STIL: variants seen among roughly 807,000 people sequenced by gnomAD.
The protein encoded by STIL is STIL centriolar assembly protein, also known as SCL-interrupting locus protein.
Under a neutral mutation model 110.1 loss-of-function variants are expected in STIL, and 55 were observed. The ratio of observed to expected loss-of-function variants is 0.50; its 90% CI spans 0.40 to 0.63. The LOEUF (loss-of-function observed/expected upper bound fraction) is 0.63, where lower values mean the gene tolerates loss of function less well. Ranked by LOEUF, STIL falls within the 20% of genes least tolerant of loss-of-function variation. The probability of loss-of-function intolerance (pLI) is 0.00; values close to 1 mark genes in which losing one functional copy is unlikely to be tolerated. For synonymous variants in STIL, 481 were observed against 530.0 expected, an observed-to-expected ratio of 0.91 and a Z score of 1.27; for missense variants, 1,358 against 1,530.0, an observed-to-expected ratio of 0.89 and a Z score of 1.87.
chr1:47,314,243 G>A (rs1646224037), upstream of STIL: 1 of 152,282 alleles, frequency 6.6e-6, no homozygotes, highest in South Asian at 2.1e-4. Flanking sequence ...TGGTGCTAGA[G>A]AGCCGCGCAC....
chr1:47,283,338 G>C (rs913521401), intron 10 of STIL: 1 of 152,134 alleles, frequency 6.6e-6, no homozygotes, highest in Non-Finnish European at 1.5e-5. Context: ...TTCTGTACAA[G>C]GTATTACAAT....
Position 47,281,686 on chromosome 1 carries a change from C to T in STIL, c.1249-477G>A, listed in dbSNP as rs1340319252. Among the ~76,000 whole-genome samples the T allele has an allele frequency of 7.9e-5, 12 of 152,092 alleles. No homozygotes were observed. The East Asian group carries it at 2.3e-3, about 29-fold the overall frequency. On this transcript the variant is annotated intron_variant, in intron 11 of 16. Transcript: ENST00000371877. ...ACTAAGAAGTCACTCACTGTTATTC[C>T]TTCTATTGATATCAACTAAGAGGTG... is the stretch of plus-strand genomic sequence containing the variant.
At chr1:47,264,772 C>T (rs981858550) in intron 14 of STIL, among the ~76,000 whole-genome samples, 38 of 151,618 alleles carry the variant, frequency 2.5e-4, no homozygotes, top group Admixed American at 1.5e-3. Flanking sequence ...ATAGACAACA[C>T]TGGAGAAAGT....
rs141046554 is a variant in STIL, at chr1:47,250,226, A to G, written c.*910T>C. 125 of 172,444 alleles carry G rather than the reference A, an allele frequency of 7.2e-4. No individual in the cohort carries two copies. Among genetic ancestry groups the G allele is most frequent in the African/African-American group, 2.7e-3 (114 of 42,222 alleles). The allele number at this position is 172,444 out of a possible 1,614,324, so 10.7% of individuals were successfully genotyped here. On this transcript the variant is annotated 3_prime_UTR_variant, in exon 17 of 17. Transcript: ENST00000371877. Reference sequence around the variant, plus strand: ...CTCAGAAAGTTTATAAAACACACTCATACTCAATAATTTTCTTATTCTTTG... The same window carrying G: ...CTCAGAAAGTTTATAAAACACACTCGTACTCAATAATTTTCTTATTCTTTG...
At chr1:47,252,352 A>G (rs1644208691) in intron 16 of STIL, among the ~76,000 whole-genome samples, 1 of 152,250 alleles carries the variant, frequency 6.6e-6, no homozygotes, top group Non-Finnish European at 1.5e-5. Context: ...ACTGCACTCC[A>G]GCCTGGGCAA....
At position 47,304,996 on chromosome 1, in the gene STIL, C is replaced by A. The variant is rs1481508593; in HGVS notation, c.45G>T (p.Arg15Ser). 7 of 1,612,398 alleles carry A rather than the reference C, an allele frequency of 4.3e-6. No individual in the cohort carries two copies. Among genetic ancestry groups the A allele is most frequent in the East Asian group, 2.2e-5 (1 of 44,864 alleles). Reference protein sequence around the residue: ...YPFARPQMNTRFPSSRMVPFH... With the variant: ...YPFARPQMNTSFPSSRMVPFH... Reference sequence around the variant, plus strand: ...AAGGTACCATCCTGCTTGAAGGAAACCTTTTGAAAAAACAATGTAAAATTA... The same window carrying A: ...AAGGTACCATCCTGCTTGAAGGAAAACTTTTGAAAAAACAATGTAAAATTA... Residue 15 changes from arginine to serine, a missense_variant and splice_region_variant, in exon 3 of 17, where the codon AGG (arginine) becomes AGT (serine). Coordinates refer to ENST00000371877, the MANE Select transcript of STIL (RefSeq NM_001048166.1).
chr1:47,263,190 A>G lies in STIL; in HGVS notation c.2616-74T>C. 7.1e-6 allele frequency: 10 copies of G among 1,402,160 alleles called. No individual in the cohort carries two copies. In the South Asian group the frequency reaches 1.2e-4, roughly 17 times the overall value. The allele number at this position is 1,402,160 out of a possible 1,614,324, so 86.9% of individuals were successfully genotyped here. ...AATTGAAATGTAGTAACTTTAGAAAAAAGGGTTAAGACTCAAGCAGCACCT... is the reference window on the plus strand; with the variant it reads ...AATTGAAATGTAGTAACTTTAGAAAGAAGGGTTAAGACTCAAGCAGCACCT... On this transcript the variant is annotated intron_variant, in intron 14 of 16. Transcript: ENST00000371877.
intron 7 of STIL, 81 bp downstream of exon 7, chr1:47,295,684 A>C: frequency 1.0e-6 from 1 of 961,446 alleles, no homozygotes; most frequent in Non-Finnish European, 1.7e-6. Flanking sequence ...CTAAATATTT[A>C]TAGTACAACT....
intron 8 of STIL, among the ~76,000 whole-genome samples, chr1:47,291,556 T>G (rs1182798380): frequency 6.6e-6 from 1 of 151,916 alleles, no homozygotes; most frequent in Non-Finnish European, 1.5e-5. Context: ...GTTTATTGCC[T>G]GTCTCTGCAG....
At chr1:47,299,033 CT>C (rs35412832) in intron 6 of STIL, among the ~76,000 whole-genome samples, 146 of 142,118 alleles carry the variant, frequency 1.0e-3, no homozygotes, top group Non-Finnish European at 1.1e-3. Context: ...TTTACCACCA[CT>C]TTTTTTTTTT....
chr1:47,308,109 T>A (rs968904863), intron 2 of STIL, among the ~76,000 whole-genome samples: 7 of 152,204 alleles, frequency 4.6e-5, no homozygotes, highest in Non-Finnish European at 8.8e-5. Context: ...CTGCCTCCAC[T>A]TGCCTTGTGA....
At chr1:47,263,557 C>T (rs372610642) in intron 14 of STIL, among the ~76,000 whole-genome samples, 111 of 152,184 alleles carry the variant, frequency 7.3e-4, no homozygotes, top group African/African-American at 1.9e-3. Flanking sequence ...GAAACAAAAA[C>T]GAAAACACCT....
In STIL at chr1:47,302,271, C is replaced by T. The variant is rs779837941; in HGVS notation, c.228G>A (p.Ser76=). The change falls in exon 4 of 17, where the codon TCG becomes TCA. Residue 76 remains serine, a synonymous_variant. Coordinates refer to ENST00000371877, the MANE Select transcript of STIL (RefSeq NM_001048166.1). ...YRHAKQNKKN[S]SCFLLGSLTA... ...TCAGAGAACCAAGTAAAAAGCATGA[C>T]GAATTTTTTTTATTCTGCTTAGCAT... 11 of 1,613,798 alleles carry T rather than the reference C, an allele frequency of 6.8e-6. No individual in the cohort carries two copies. Among genetic ancestry groups the T allele is most frequent in the African/African-American group, 2.7e-5 (2 of 74,838 alleles).
At chr1:47,314,436 G>A (rs1040737634), upstream of STIL, among the ~76,000 whole-genome samples, 6 of 152,214 alleles carry the variant, frequency 3.9e-5, no homozygotes, top group East Asian at 1.9e-4. Flanking sequence ...CTTTCCGCAA[G>A]CGCAATGGAA....
chr1:47,261,148 G>A (rs963905952), intron 15 of STIL, among the ~76,000 whole-genome samples: 4 of 152,188 alleles, frequency 2.6e-5, no homozygotes, highest in Non-Finnish European at 5.9e-5. Context: ...AGCACTTTGG[G>A]AGGCCAAGGT....
At chr1:47,289,883 A>C (rs773892449) in intron 8 of STIL, among the ~76,000 whole-genome samples, 1 of 147,938 alleles carries the variant, frequency 6.8e-6, no homozygotes, top group African/African-American at 2.5e-5. Flanking sequence ...GCTTGTAATG[A>C]GCCAAGATCG....
chr1:47,261,865 T>G (rs1644496530), intron 15 of STIL, among the ~76,000 whole-genome samples: 2 of 150,132 alleles, frequency 1.3e-5, no homozygotes, highest in South Asian at 4.2e-4. Flanking sequence ...TGAGCTGAGA[T>G]CATGTCACTG....
Position 47,272,081 on chromosome 1 carries a change from C to T in STIL, c.2378G>A (p.Ser793Asn). The part of the protein sequence containing the change: ...HMRKGVSIAV[S>N]TGASLFWNAA... ...TAAAAAAAAACTGAAATTACCTGTG[C>T]TCACAGCAATGCTTACACCTTTTCT... The change falls in exon 13 of 17, where the codon AGC (serine) becomes AAC (asparagine). Residue 793 changes from serine (S) to asparagine (N), a missense_variant. Physicochemically the swap from Ser to Asn is conservative, Grantham distance 46. Coordinates refer to ENST00000371877, the MANE Select transcript of STIL (RefSeq NM_001048166.1). The T allele has an allele frequency of 6.2e-7, 1 of 1,614,036 alleles. No individual in the cohort carries two copies. Among genetic ancestry groups the T allele is most frequent in the Non-Finnish European group, 8.5e-7 (1 of 1,179,964 alleles).
intron 16 of STIL, among the ~76,000 whole-genome samples, chr1:47,255,205 A>G (rs902513469): frequency 3.3e-5 from 5 of 152,240 alleles, no homozygotes; most frequent in Non-Finnish European, 7.3e-5. Flanking sequence ...AAAGGAACCC[A>G]TTCCACTAAT....
Sources: gnomAD v4.1 joint callset for allele counts (sites outside exome capture counted in the v4.1 genomes callset) on GRCh38, gnomAD v4.1.1 for gene constraint, MANE v1.5 for transcripts, NCBI Gene and HGNC (gene_info 2026-07-23, HGNC 2026-07-21) for gene names.